Variants in FGF12 observed in about 807,000 individuals in gnomAD.
The protein encoded by FGF12 is fibroblast growth factor 12B.
In FGF12, 14 loss-of-function variants were observed where a neutral mutation model predicts 23.6. That is an observed-to-expected ratio of 0.59 (90% confidence interval 0.39 to 0.93). FGF12 has a LOEUF of 0.93. FGF12 is among the 40% of genes least tolerant of loss of function. FGF12 has a pLI of 0.00. For missense variants in FGF12, 175 were observed against 217.8 expected (o/e 0.80, Z 1.24); for synonymous variants, 62 against 77.3 (o/e 0.80, Z 1.04).
chr3:192,225,967 G>T (rs1215107538), intron 4 of FGF12, among the ~76,000 whole-genome samples: 3 of 152,194 alleles, frequency 2.0e-5, no homozygotes, highest in Non-Finnish European at 4.4e-5. Flanking sequence ...GGAATAGGAA[G>T]TGACTGGTAG....
intron 4 of FGF12, among the ~76,000 whole-genome samples, chr3:192,183,422 C>T (rs1400117177): frequency 6.6e-6 from 1 of 152,104 alleles, no homozygotes; most frequent in Non-Finnish European, 1.5e-5. Context: ...AAAGCCGGGG[C>T]TGTGTTTTTG....
intron 2 of FGF12, among the ~76,000 whole-genome samples, chr3:192,627,852 A>ATGTGTGTGTGTG (rs138709721): frequency 0.066 from 9,733 of 147,274 alleles, 420 homozygotes; most frequent in Middle Eastern, 0.11. Flanking sequence ...GTGTGTGTGC[A>ATGTGTGTGTGTG]TGTGTGTGTG....
chr3:192,634,751 T>TA (rs1427678907), intron 2 of FGF12, among the ~76,000 whole-genome samples: 1 of 152,182 alleles, frequency 6.6e-6, no homozygotes, highest in Non-Finnish European at 1.5e-5. Context: ...TTAAATTACT[T>TA]AAAATTAATT....
chr3:192,576,731 G>A (rs1712906240), intron 2 of FGF12, among the ~76,000 whole-genome samples: 1 of 152,174 alleles, frequency 6.6e-6, no homozygotes, highest in Non-Finnish European at 1.5e-5. Context: ...CTGCTAGGTG[G>A]CAGGGGAGGG....
At chr3:192,155,746 T>C (rs1025092048) in intron 5 of FGF12, among the ~76,000 whole-genome samples, 2 of 152,212 alleles carry the variant, frequency 1.3e-5, no homozygotes, top group African/African-American at 4.8e-5. Context: ...CACATACTAT[T>C]AAGCATTTAG....
intron 2 of FGF12, among the ~76,000 whole-genome samples, chr3:192,459,751 T>C (rs1025550828): frequency 2.4e-4 from 37 of 152,312 alleles, no homozygotes; most frequent in Admixed American, 2.4e-3. Flanking sequence ...ATCTGACTGG[T>C]TAAAATATGG....
chr3:192,683,744 C>A (rs1230868189), intron 2 of FGF12, among the ~76,000 whole-genome samples: 2 of 152,172 alleles, frequency 1.3e-5, no homozygotes, highest in Non-Finnish European at 2.9e-5. Flanking sequence ...CACTCTCAAG[C>A]AATTCAAATG....
intron 4 of FGF12, among the ~76,000 whole-genome samples, chr3:192,198,048 AT>A (rs1196432422): frequency 1.3e-5 from 2 of 151,692 alleles, no homozygotes; most frequent in Non-Finnish European, 2.9e-5. Flanking sequence ...ATATCAGCAA[AT>A]TTGCTGTCAA....
intron 4 of FGF12, among the ~76,000 whole-genome samples, chr3:192,311,296 A>G (rs1428813486): frequency 1.3e-5 from 2 of 152,124 alleles, no homozygotes; most frequent in East Asian, 3.9e-4. Flanking sequence ...TTAGCTGTGA[A>G]CCCCTTCCAT....
At chr3:192,411,797 G>T (rs888817807) in intron 2 of FGF12, among the ~76,000 whole-genome samples, 1 of 152,204 alleles carries the variant, frequency 6.6e-6, no homozygotes, top group African/African-American at 2.4e-5. Flanking sequence ...GCAAGAGGGG[G>T]TGTATAATGA....
intron 4 of FGF12, among the ~76,000 whole-genome samples, chr3:192,172,508 C>T (rs764053722): frequency 4.0e-5 from 6 of 150,750 alleles, no homozygotes. Context: ...TATATTAATA[C>T]TGAAATATGA....
rs377571761 is a variant in FGF12, at chr3:192,243,572, A to G, written c.229-72916T>C. On this transcript the variant is annotated intron_variant, in intron 4 of 5. Transcript: ENST00000445105. ...AACTCAAGTAAATTCCCTTTACAGT[A>G]TATCCAACTTAAGCATAAAATTTTA... is the stretch of plus-strand genomic sequence containing the variant. Among the ~76,000 whole-genome samples, 3 of 151,902 alleles carry G rather than the reference A, an allele frequency of 2.0e-5. No homozygotes were observed. The East Asian group carries it at 5.8e-4, about 29-fold the overall frequency.
Position 192,141,154 on chromosome 3 carries a change from A to AAAAAAAAAAAAAAT in FGF12, c.*2854_*2855insATTTTTTTTTTTTT, listed in dbSNP as rs1553840885. The AAAAAAAAAAAAAAT allele has an allele frequency of 7.3e-6, 1 of 136,608 alleles. No individual in the cohort carries two copies. 8.5% of individuals were successfully genotyped at this position (136,608 alleles called of 1,614,324 possible). ...AAAAAAAAAAAAAAAAAAAAAAAAA[A>AAAAAAAAAAAAAAT]GCTTATTTTACTTAAAAAGGAAAAG... On this transcript the variant is annotated 3_prime_UTR_variant, in exon 6 of 6. Coordinates refer to ENST00000445105, the MANE Select transcript of FGF12 (RefSeq NM_004113.6).
intron 2 of FGF12, 97 bp downstream of exon 2, chr3:192,727,084 G>A: frequency 1.4e-6 from 2 of 1,450,388 alleles, no homozygotes; most frequent in East Asian, 2.5e-5. Flanking sequence ...GACCTAGTAT[G>A]ATGCTCGCTC....
At chr3:192,525,659 T>G (rs993622345) in intron 2 of FGF12, among the ~76,000 whole-genome samples, 6 of 152,370 alleles carry the variant, frequency 3.9e-5, no homozygotes, top group Middle Eastern at 3.4e-3. Context: ...TTCATTGTAT[T>G]GAAGATTAAG....
At chr3:192,210,546 A>G (rs888309760) in intron 4 of FGF12, among the ~76,000 whole-genome samples, 3 of 152,252 alleles carry the variant, frequency 2.0e-5, no homozygotes, top group African/African-American at 7.2e-5. Flanking sequence ...TAGAGTACAC[A>G]GAAAAGAGAT....
chr3:192,465,816 AAG>A (rs1722994739), intron 2 of FGF12, among the ~76,000 whole-genome samples: 1 of 152,172 alleles, frequency 6.6e-6, no homozygotes, highest in Non-Finnish European at 1.5e-5. Flanking sequence ...TGCTGAAGAA[AAG>A]AGCACCCTCA....
chr3:192,176,397 T>C (rs774896269), intron 4 of FGF12, among the ~76,000 whole-genome samples: 36 of 152,242 alleles, frequency 2.4e-4, no homozygotes, highest in Admixed American at 7.9e-4. Context: ...TAGCAGACAA[T>C]GTGAGCTTTA....
chr3:192,571,606 C>T (rs1014293078), intron 2 of FGF12, among the ~76,000 whole-genome samples: 1 of 152,200 alleles, frequency 6.6e-6, no homozygotes, highest in Non-Finnish European at 1.5e-5. Flanking sequence ...GTTCTCGGGC[C>T]TTCTTAAAAT....
Sources: allele counts gnomAD v4.1 joint callset (sites outside exome capture counted in the v4.1 genomes callset), GRCh38; gene constraint gnomAD v4.1.1; transcripts MANE v1.5; gene names NCBI Gene and HGNC (gene_info 2026-07-23, HGNC 2026-07-21).